Variants in CYP17A1 observed in about 807,000 individuals in gnomAD.
CYP17A1 encodes steroid 17-alpha-hydroxylase/17,20 lyase.
A neutral mutation model predicts 38.5 loss-of-function variants in CYP17A1; 27 were observed. The ratio of observed to expected loss-of-function variants is 0.70; its 90% CI spans 0.52 to 0.97. The LOEUF (loss-of-function observed/expected upper bound fraction) is 0.97. Among genes scored for constraint, CYP17A1 ranks in the 50% least tolerant of loss-of-function variants. The pLI, the probability that CYP17A1 is intolerant of heterozygous loss-of-function variation, is 0.00. For synonymous variants in CYP17A1, 263 were observed against 253.3 expected (o/e 1.04, Z -0.36); for missense variants, 549 against 645.9 (o/e 0.85, Z 1.63).
At chr10:102,835,061 AC>A (rs777854065) in intron 2 of CYP17A1, 47 bp from the exon 3 acceptor site, 3 of 1,255,706 alleles carry the variant, frequency 2.4e-6, no homozygotes, top group African/African-American at 1.5e-5. Context: ...CAGCACCCTT[AC>A]CCCCTCTCTG....
At chr10:102,833,313 T>C in intron 4 of CYP17A1, 105 bp from the exon 5 acceptor site, 1 of 1,592,292 alleles carries the variant, frequency 6.3e-7, no homozygotes, top group Non-Finnish European at 8.6e-7. Flanking sequence ...TCCTTCCACT[T>C]GGAAGTAGAG....
At chr10:102,834,696 C>A (rs1844136437) in intron 3 of CYP17A1, 89 bp downstream of exon 3, 2 of 1,589,124 alleles carry the variant, frequency 1.3e-6, no homozygotes, top group African/African-American at 1.3e-5. Context: ...TGGGTCATTG[C>A]GGCTGGAGCA....
At chr10:102,836,998 T>G in intron 1 of CYP17A1, 67 bp downstream of exon 1, 1 of 900,702 alleles carries the variant, frequency 1.1e-6, no homozygotes, top group Non-Finnish European at 1.9e-6. Context: ...ATTCTAGGCA[T>G]GGTCTGAAGA....
At chr10:102,834,648 A>C in intron 3 of CYP17A1, 137 bp downstream of exon 3, 3 of 1,188,296 alleles carry the variant, frequency 2.5e-6, no homozygotes, top group Non-Finnish European at 3.7e-6. Flanking sequence ...TTTAAGTGGC[A>C]GAGGAGGTAG....
rs1157272144 is a variant in CYP17A1, at chr10:102,832,804, G to A, written c.970-124C>T. 4.5e-6 allele frequency: 6 copies of A among 1,347,556 alleles called. No individual in the cohort carries two copies. In the Admixed American group the frequency reaches 9.0e-5, roughly 20 times the overall value. 83.5% of individuals were successfully genotyped at this position (1,347,556 alleles called of 1,614,324 possible). ...CCAGTCCCTTCCCAGTAGTGGCTCT[G>A]GGGCCCAGGCCCGGCTTCCAGAAGA... is the stretch of plus-strand genomic sequence containing the variant. On this transcript the variant is annotated intron_variant, in intron 5 of 7. Transcript: ENST00000369887.
At chr10:102,836,182 G>A (rs981837169) in intron 1 of CYP17A1, among the ~76,000 whole-genome samples, 1 of 151,764 alleles carries the variant, frequency 6.6e-6, no homozygotes, top group African/African-American at 2.4e-5. Flanking sequence ...AGGCTGGCAG[G>A]GCACAGTGGC....
rs1218555494 is a variant in CYP17A1 at position 102,833,232 on chromosome 10, C to T, written c.754-24G>A. ...TCCTGGGTTGGGTGAGGTTGGGAGA[C>T]ATTAATAAGGAAGGAGCCCCATCTG... On this transcript the variant is annotated intron_variant, in intron 4 of 7. Coordinates refer to ENST00000369887, the MANE Select transcript of CYP17A1 (RefSeq NM_000102.4). The T allele has an allele frequency of 3.7e-6, 6 of 1,613,896 alleles. No homozygotes were observed. The Middle Eastern group carries it at 4.9e-4, about 133-fold the overall frequency.
chr10:102,835,162 A>G lies in CYP17A1; in HGVS notation c.436+92T>C, dbSNP rs1844143955. 2.4e-6 allele frequency: 3 copies of G among 1,249,462 alleles called. No homozygotes were observed. In the Admixed American group the frequency reaches 5.1e-5, roughly 21 times the overall value. 77.4% of individuals were successfully genotyped at this position (1,249,462 alleles called of 1,614,324 possible). On this transcript the variant is annotated intron_variant, in intron 2 of 7. Coordinates refer to ENST00000369887, the MANE Select transcript of CYP17A1 (RefSeq NM_000102.4). ...CCAAGAAAAGGCTGCATTGCGCTCT[A>G]GTCCTAACCCTTACCCCTGCCCAAC...
chr10:102,834,140 A>G lies in CYP17A1; in HGVS notation c.667-18T>C. 9.9e-7 allele frequency: 1 copy of G among 1,006,370 alleles called. No homozygotes were observed. The highest frequency in any genetic ancestry group is 1.6e-6 in the Non-Finnish European group (1 of 624,018). 62.3% of individuals were successfully genotyped at this position (1,006,370 alleles called of 1,614,324 possible). ...GGGAAAATCTGGGAAATAAAAAGAAATGTTAAATCCACCCTTCTTCCATTT... is the reference window on the plus strand; with the variant it reads ...GGGAAAATCTGGGAAATAAAAAGAAGTGTTAAATCCACCCTTCTTCCATTT... On this transcript the variant is annotated intron_variant, in intron 3 of 7. Coordinates refer to ENST00000369887, the MANE Select transcript of CYP17A1 (RefSeq NM_000102.4).
Position 102,831,541 on chromosome 10 carries a change from T to C in CYP17A1, c.1210A>G (p.Lys404Glu). Residue 404 changes from lysine (K) to glutamate (E), a missense_variant, in exon 7 of 8, where the codon AAG becomes GAG. Physicochemically the swap from Lys to Glu is moderately conservative, Grantham distance 56. Transcript: ENST00000369887. Reference sequence around the variant, plus strand: ...AACTGATCCGGCTGGTGCCACTCCTTCTCATTGTGATGCAGCGCCCACAGA... The same window carrying C: ...AACTGATCCGGCTGGTGCCACTCCTCCTCATTGTGATGCAGCGCCCACAGA... ...INLWALHHNE[K>E]EWHQPDQFMP... 1 of 1,613,950 alleles carries C rather than the reference T, an allele frequency of 6.2e-7. No individual in the cohort carries two copies. Among genetic ancestry groups the C allele is most frequent in the Non-Finnish European group, 8.5e-7 (1 of 1,180,010 alleles).
chr10:102,833,237 A>G, intron 4 of CYP17A1, 29 bp from the exon 5 acceptor site: 1 of 1,613,950 alleles, frequency 6.2e-7, no homozygotes, highest in Non-Finnish European at 8.5e-7. Flanking sequence ...GGAGACATTA[A>G]TAAGGAAGGA....
chr10:102,836,803 C>T (rs1336896611), intron 1 of CYP17A1: 2 of 533,766 alleles, frequency 3.7e-6, no homozygotes, highest in Non-Finnish European at 6.8e-6. Context: ...AGTGAGGATT[C>T]CTTGACCCCT....
Position 102,830,916 on chromosome 10 carries a change from C to T in CYP17A1, c.1313G>A (p.Gly438Glu). The T allele has an allele frequency of 6.3e-7, 1 of 1,575,578 alleles. No individual in the cohort carries two copies. The highest frequency in any genetic ancestry group is 8.6e-7 in the Non-Finnish European group (1 of 1,156,674). The change falls in exon 8 of 8, where the codon GGA becomes GAA. Residue 438 changes from glycine (G) to glutamate (E), a missense_variant. By Grantham distance (98) the Gly-to-Glu change is moderately conservative (BLOSUM62 -2). Around this residue, in one of 3 missense-constraint regions of CYP17A1, gnomAD observed 257 missense variants for 307.9 expected, o/e 0.83. Transcript: ENST00000369887. This position sits in a 1 kb window ranked among gnomAD's most constrained non-coding sequence, Gnocchi z 4.1. ...GATCTCACCTATACAGGAGCGAGGT[C>T]CTGCTCCGAAGGGCAAATAGCTTAC... ...PSVSYLPFGA[G>E]PRSCIGEILA...
At chr10:102,836,094 A>T (rs1844158234) in intron 1 of CYP17A1, among the ~76,000 whole-genome samples, 1 of 152,074 alleles carries the variant, frequency 6.6e-6, no homozygotes, top group African/African-American at 2.4e-5. Flanking sequence ...CAGAGGTGGG[A>T]GCTAGGTAGT....
intron 6 of CYP17A1, 25 bp from the exon 7 acceptor site, chr10:102,831,636 G>A: frequency 6.2e-7 from 1 of 1,611,894 alleles, no homozygotes; most frequent in Non-Finnish European, 8.5e-7. Context: ...AAGAGGAAAA[G>A]TGGGTCTGGG....
At chr10:102,835,182 C>T (rs1844144668) in intron 2 of CYP17A1, 72 bp downstream of exon 2, 2 of 1,419,948 alleles carry the variant, frequency 1.4e-6, no homozygotes, top group Admixed American at 1.7e-5. Context: ...CTTACCCCTG[C>T]CCAACCCTCC....
At chr10:102,833,941 G>C (rs1844124993) in intron 4 of CYP17A1, 95 bp downstream of exon 4, 1 of 749,932 alleles carries the variant, frequency 1.3e-6, no homozygotes, top group Non-Finnish European at 2.4e-6. Context: ...TTCTCTGCTT[G>C]GTTTTGAAGC....
At chr10:102,833,413 GATCCTCT>G (rs1844118896) in intron 4 of CYP17A1, 1 of 896,948 alleles carries the variant, frequency 1.1e-6, no homozygotes, top group African/African-American at 1.7e-5. Context: ...TCTCTTCTAG[GATCCTCT>G]TCAGTTCCTC....
At chr10:102,835,061 A>T in intron 2 of CYP17A1, 47 bp from the exon 3 acceptor site, 2 of 1,255,824 alleles carry the variant, frequency 1.6e-6, no homozygotes, top group Non-Finnish European at 2.3e-6. Context: ...CAGCACCCTT[A>T]CCCCCTCTCT....
Sources: allele counts gnomAD v4.1 joint callset (sites outside exome capture counted in the v4.1 genomes callset), GRCh38; gene constraint gnomAD v4.1.1; regional missense constraint gnomAD v4.1.1; non-coding constraint Gnocchi (gnomAD v3.1); transcripts MANE v1.5; gene names NCBI Gene and HGNC (gene_info 2026-07-23, HGNC 2026-07-21).